Variants in PCDHA1 observed in about 807,000 individuals in gnomAD.
PCDHA1 encodes the protein protocadherin alpha-1.
PCDHA1 carries 42 observed loss-of-function variants against 61.3 expected under a neutral mutation model. The ratio of observed to expected loss-of-function variants is 0.69; its 90% CI spans 0.54 to 0.89. The LOEUF is 0.89. Ranked by LOEUF, PCDHA1 falls within the 40% of genes least tolerant of loss-of-function variation. The pLI, the probability that PCDHA1 is intolerant of heterozygous loss-of-function variation, is 0.00. For missense variants in PCDHA1, 1,256 were observed against 1,235.3 expected (o/e 1.02, Z -0.25); for synonymous variants, 610 against 553.8 (o/e 1.10, Z -1.43).
chr5:140,888,487 ACT>A (rs1486157760), intron 1 of PCDHA1, among the ~76,000 whole-genome samples: 1 of 152,162 alleles, frequency 6.6e-6, no homozygotes, highest in Non-Finnish European at 1.5e-5. Flanking sequence ...CTGTTGAGAA[ACT>A]CTGCTTTAAA....
At chr5:140,985,373 C>T (rs1228293287) in intron 3 of PCDHA1, among the ~76,000 whole-genome samples, 1 of 152,106 alleles carries the variant, frequency 6.6e-6, no homozygotes, top group Non-Finnish European at 1.5e-5. Flanking sequence ...TTATCTGGGT[C>T]TATATAATCC....
intron 1 of PCDHA1, among the ~76,000 whole-genome samples, chr5:140,947,946 C>T (rs1396530064): frequency 2.0e-5 from 3 of 151,452 alleles, no homozygotes; most frequent in African/African-American, 7.3e-5. Flanking sequence ...AAAAGTGTTC[C>T]ATATTTTACA....
At chr5:140,794,190 AG>A (rs1248595770) in intron 1 of PCDHA1, among the ~76,000 whole-genome samples, 4 of 152,242 alleles carry the variant, frequency 2.6e-5, no homozygotes, top group African/African-American at 9.6e-5. Flanking sequence ...AGCCTTAAAA[AG>A]GAAAGAAGTC....
At chr5:140,830,197 C>T (rs2150182627) in intron 1 of PCDHA1, 4 of 1,613,722 alleles carry the variant, frequency 2.5e-6, no homozygotes, top group Non-Finnish European at 3.4e-6. Context: ...ACCTGATCAT[C>T]GCCATCTGCG....
chr5:140,829,140 T>A (rs2150162914), intron 1 of PCDHA1: 1 of 1,613,462 alleles, frequency 6.2e-7, no homozygotes, highest in Non-Finnish European at 8.5e-7. Flanking sequence ...GTCCCTGAGA[T>A]AGCACTGACT....
At chr5:140,969,439 T>C (rs1554231802) in intron 1 of PCDHA1, 2 of 1,546,634 alleles carry the variant, frequency 1.3e-6, no homozygotes, top group Admixed American at 3.9e-5. Context: ...AAGAGTTATC[T>C]GGTAAACTGA....
rs140660802 is a variant in PCDHA1 at position 140,849,759 on chromosome 5, G to C, written c.2394+61075G>C. 47 of 1,598,444 alleles carry C rather than the reference G, an allele frequency of 2.9e-5. 6 individuals are homozygous for C. Among genetic ancestry groups the C allele is most frequent in the Non-Finnish European group, 4.0e-5 (47 of 1,167,970 alleles). ...GGACCGCGAGAGTGTGTCCGCCTAC[G>C]AGCTGGTGGTTACCGCGCGGGACGG... On this transcript the variant is annotated intron_variant, in intron 1 of 3. Coordinates refer to ENST00000504120, the MANE Select transcript of PCDHA1 (RefSeq NM_018900.4).
intron 1 of PCDHA1, chr5:140,836,717 G>A: frequency 6.2e-7 from 1 of 1,612,788 alleles, no homozygotes; most frequent in South Asian, 1.1e-5. Flanking sequence ...GCCTTCCTCA[G>A]GGTCCATCCT....
At chr5:140,850,932 C>T in intron 1 of PCDHA1, 1 of 1,514,290 alleles carries the variant, frequency 6.6e-7, no homozygotes, top group Non-Finnish European at 8.9e-7. Flanking sequence ...AATTTTTTTT[C>T]TTGAAAGATA....
chr5:140,801,785 G>GA (rs782411180), intron 1 of PCDHA1: 31 of 1,613,196 alleles, frequency 1.9e-5, no homozygotes, highest in Non-Finnish European at 2.5e-5. Flanking sequence ...GACTCGTGTT[G>GA]AAAAAAAATT....
intron 1 of PCDHA1, chr5:140,795,632 C>G (rs1554119510): frequency 6.2e-7 from 1 of 1,614,112 alleles, no homozygotes. Flanking sequence ...CCTGAGCTCA[C>G]GGGCACCGTT....
In PCDHA1 at chr5:140,858,343, G is replaced by A. The variant is rs1554151440; in HGVS notation, c.2394+69659G>A. On this transcript the variant is annotated intron_variant, in intron 1 of 3. Coordinates refer to ENST00000504120, the MANE Select transcript of PCDHA1 (RefSeq NM_018900.4). ...GTTCTGGGGAGGGCCTGCCCAAGGC[G>A]GACCTCATGGCCTTCAGCCCCAGCC... 9 of 1,594,924 alleles carry A rather than the reference G, an allele frequency of 5.6e-6. 1 individual carries two copies. The highest frequency in any genetic ancestry group is 6.9e-6 in the Non-Finnish European group (8 of 1,165,636).
intron 1 of PCDHA1, chr5:140,853,313 T>G: frequency 1.0e-6 from 1 of 984,212 alleles, no homozygotes; most frequent in South Asian, 4.7e-5. Flanking sequence ...AACACCTTAG[T>G]AATAAATTTA....
intron 1 of PCDHA1, among the ~76,000 whole-genome samples, chr5:140,912,283 A>G (rs1442282452): frequency 6.6e-6 from 1 of 152,104 alleles, no homozygotes; most frequent in Non-Finnish European, 1.5e-5. Flanking sequence ...ACCCAGGAAC[A>G]ATACTTTGCC....
At position 140,906,503 on chromosome 5, in the gene PCDHA1, AAAG is replaced by A. The variant is rs537708204; in HGVS notation, c.2395-72442_2395-72440del. Among the ~76,000 whole-genome samples the A allele has an allele frequency of 2.0e-5, 3 of 152,376 alleles. No homozygotes were observed. The South Asian group carries it at 6.2e-4, about 32-fold the overall frequency. On this transcript the variant is annotated intron_variant, in intron 1 of 3. Transcript: ENST00000504120. The stretch of plus-strand genomic sequence containing the variant: ...ATAAATGCACAAACATGTTTTTAAC[AAAG>A]AAGGAGGAAATACTCACGACAATTA...
At chr5:140,875,464 T>A (rs782432702) in intron 1 of PCDHA1, 1 of 1,599,740 alleles carries the variant, frequency 6.3e-7, no homozygotes, top group Admixed American at 1.7e-5. Flanking sequence ...GAGGCCCTCA[T>A]TTTCTGCAAT....
intron 1 of PCDHA1, chr5:140,870,001 G>C (rs782788057): frequency 1.2e-6 from 2 of 1,613,448 alleles, no homozygotes; most frequent in African/African-American, 1.3e-5. Context: ...AAATAATGGA[G>C]AAGTGAGGGT....
chr5:140,878,079 T>C (rs1453461494), intron 1 of PCDHA1: 1 of 346,026 alleles, frequency 2.9e-6, no homozygotes, highest in Non-Finnish European at 4.9e-6. Context: ...TTTTCTATAA[T>C]ATTTTATATG....
chr5:140,870,592 C>A (rs202164332), intron 1 of PCDHA1: 2 of 1,613,554 alleles, frequency 1.2e-6, no homozygotes, highest in African/African-American at 1.3e-5. Context: ...GGTGGAGCGG[C>A]GGTTGGGCGA....
Sources: allele counts gnomAD v4.1 joint callset (sites outside exome capture counted in the v4.1 genomes callset), GRCh38; gene constraint gnomAD v4.1.1; transcripts MANE v1.5; gene names NCBI Gene and HGNC (gene_info 2026-07-23, HGNC 2026-07-21).